The following CCNA2 variants were observed in gnomAD, a reference collection of about 807,000 sequenced individuals.
The protein encoded by CCNA2 is cyclin-A2.
CCNA2 carries 3 observed loss-of-function variants against 49.4 expected under a neutral mutation model. The ratio of observed to expected loss-of-function variants is 0.06; its 90% CI spans 0.03 to 0.16. The LOEUF (loss-of-function observed/expected upper bound fraction) is 0.16. CCNA2 is among the 10% of genes least tolerant of loss of function. The probability of loss-of-function intolerance (pLI) is 1.00; values close to 1 mark genes in which losing one functional copy is unlikely to be tolerated. For synonymous variants in CCNA2, 206 were observed against 197.2 expected, an observed-to-expected ratio of 1.04 and a Z score of -0.37; for missense variants, 372 against 519.7, an observed-to-expected ratio of 0.72 and a Z score of 2.76.
chr4:121,820,119 T>C lies in CCNA2; in HGVS notation c.794+423A>G, dbSNP rs1724654824. 6.6e-6 allele frequency among the ~76,000 whole-genome samples: 1 copy of C among 151,998 alleles called. No individual in the cohort carries two copies. Among genetic ancestry groups the C allele is most frequent in the Admixed American group, 6.5e-5 (1 of 15,272 alleles). ...CCATGCCCAGCTAATTTTTGTATTTTTAGTAGAGACAGGGTTTCGCCATGA... is the reference window on the plus strand; with the variant it reads ...CCATGCCCAGCTAATTTTTGTATTTCTAGTAGAGACAGGGTTTCGCCATGA... On this transcript the variant is annotated intron_variant, in intron 4 of 7. Transcript: ENST00000274026. This position sits in a 1 kb window ranked among gnomAD's most constrained non-coding sequence, Gnocchi z 4.1.
Position 121,816,495 on chromosome 4 carries a change from T to C in CCNA2, c.*1143A>G, listed in dbSNP as rs1179494441. 3 of 1,214,102 alleles carry C rather than the reference T, an allele frequency of 2.5e-6. No individual in the cohort carries two copies. The highest frequency in any genetic ancestry group is 3.5e-6 in the Non-Finnish European group (3 of 854,492). The allele number at this position is 1,214,102 out of a possible 1,614,324, so 75.2% of individuals were successfully genotyped here. A position where few individuals can be genotyped will look rare whatever the true frequency, so the allele number is the denominator to read the frequency against. On this transcript the variant is annotated 3_prime_UTR_variant, in exon 8 of 8. Transcript: ENST00000274026. ...CAAATGTATACATATACTCAACACT[T>C]ATAGAGGTTTGCTCTCTGGTTTTAC...
In CCNA2 at chr4:121,816,811, T is replaced by TAA. The variant is rs1170874223; in HGVS notation, c.*825_*826dup. ...GTGCAAAACAAGAAAAAGCACCAAG[T>TAA]AAAAAGCCAGTGAAAAGAAGAAAAA... On this transcript the variant is annotated 3_prime_UTR_variant, in exon 8 of 8. Transcript: ENST00000274026. 2 of 1,602,472 alleles carry TAA rather than the reference T, an allele frequency of 1.2e-6. No individual in the cohort carries two copies. Among genetic ancestry groups the TAA allele is most frequent in the East Asian group, 2.2e-5 (1 of 44,598 alleles).
In CCNA2 at chr4:121,817,641, C is replaced by T; in HGVS notation, c.1296G>A (p.Leu432=). The T allele has an allele frequency of 1.7e-5, 27 of 1,613,498 alleles. No individual in the cohort carries two copies. The highest frequency in any genetic ancestry group is 2.2e-5 in the Non-Finnish European group (26 of 1,179,794). ...SLLNPPETLN[L] is the part of the protein sequence containing the mutation. ...AAACAAAGGCAGTCTTTCATTGTTA[C>T]AGATTTAGTGTCTCTGGTGGGTTGA... The change falls in exon 8 of 8, where the codon CTG becomes CTA. Residue 432 remains leucine, a synonymous_variant. Coordinates refer to ENST00000274026, the MANE Select transcript of CCNA2 (RefSeq NM_001237.5).
At chr4:121,821,483 T>TTG (rs1724691070) in intron 2 of CCNA2, among the ~76,000 whole-genome samples, 1 of 152,136 alleles carries the variant, frequency 6.6e-6, no homozygotes, top group Non-Finnish European at 1.5e-5. Context: ...AAACTGCAGA[T>TTG]CCCAGAGTCT....
chr4:121,821,225 CA>C, intron 2 of CCNA2, 134 bp from the exon 3 acceptor site: 2 of 1,076,862 alleles, frequency 1.9e-6, no homozygotes, highest in East Asian at 2.9e-5. Flanking sequence ...CTTCTCATGA[CA>C]AAATATGTAG....
chr4:121,822,496 G>T lies in CCNA2; in HGVS notation c.364C>A (p.Arg122Ser), dbSNP rs750866939. 3.1e-6 allele frequency: 5 copies of T among 1,614,112 alleles called. No homozygotes were observed. Among genetic ancestry groups the T allele is most frequent in the Non-Finnish European group, 4.2e-6 (5 of 1,180,008 alleles). ...GAATTAAAAGCCAGGGCATCTTCAC[G>T]CTCTATTTTTTGAGATTCAGCTGGC... ...KKPAESQKIE[R>S]EDALAFNSAI... Residue 122 changes from arginine to serine, a missense_variant, in exon 2 of 8, where the codon CGT becomes AGT. Arg to Ser is a moderately radical substitution (Grantham distance 110). Around this residue, in one of 2 missense-constraint regions of CCNA2, gnomAD observed 217 missense variants for 231.7 expected, o/e 0.94. Transcript: ENST00000274026.
Position 121,817,416 on chromosome 4 carries a change from A to ACTT in CCNA2, c.*219_*221dup, listed in dbSNP as rs200394944. ...TATCCTGACAGCTGGCATCATTAATACTTTAACAAAACCACTTAAAATTAG... is the reference window on the plus strand; with the variant it reads ...TATCCTGACAGCTGGCATCATTAATACTTCTTTAACAAAACCACTTAAAATTAG... On this transcript the variant is annotated 3_prime_UTR_variant, in exon 8 of 8. Coordinates refer to ENST00000274026, the MANE Select transcript of CCNA2 (RefSeq NM_001237.5). The ACTT allele has an allele frequency of 2.5e-4, 112 of 453,778 alleles. 1 individual carries two copies. In the East Asian group the frequency reaches 3.9e-3, roughly 16 times the overall value. The allele number at this position is 453,778 out of a possible 1,614,324, so 28.1% of individuals were successfully genotyped here.
chr4:121,817,528 C>T lies in CCNA2; in HGVS notation c.*110G>A, dbSNP rs952618468. 11 of 1,353,008 alleles carry T rather than the reference C, an allele frequency of 8.1e-6. No individual in the cohort carries two copies. Among genetic ancestry groups the T allele is most frequent in the Admixed American group, 6.5e-5 (3 of 46,210 alleles). 83.8% of individuals were successfully genotyped at this position (1,353,008 alleles called of 1,614,324 possible). On this transcript the variant is annotated 3_prime_UTR_variant, in exon 8 of 8. Coordinates refer to ENST00000274026, the MANE Select transcript of CCNA2 (RefSeq NM_001237.5). ...ATAGATACCATAATTTGTACTTGGC[C>T]ACAACTTCTGTATTCAGAAATGATT...
In CCNA2 at chr4:121,816,807, C is replaced by CAA. The variant is rs1426544474; in HGVS notation, c.*829_*830dup. Reference sequence around the variant, plus strand: ...ACCAGTGCAAAACAAGAAAAAGCACCAAGTAAAAAGCCAGTGAAAAGAAGA... The same window carrying CAA: ...ACCAGTGCAAAACAAGAAAAAGCACCAAAAGTAAAAAGCCAGTGAAAAGAAGA... On this transcript the variant is annotated 3_prime_UTR_variant, in exon 8 of 8. Transcript: ENST00000274026. 5 of 1,601,152 alleles carry CAA rather than the reference C, an allele frequency of 3.1e-6. No homozygotes were observed. The Admixed American group carries it at 6.8e-5, about 22-fold the overall frequency.
intron 2 of CCNA2, 40 bp downstream of exon 2, chr4:121,822,363 T>C (rs1490904685): frequency 1.9e-6 from 3 of 1,578,996 alleles, no homozygotes; most frequent in Admixed American, 1.7e-5. Flanking sequence ...CTAATAATTA[T>C]AATTACCGTA....
rs1383813409 is a variant in CCNA2 at position 121,818,956 on chromosome 4, T to C, written c.1003-43A>G. 6.2e-6 allele frequency: 8 copies of C among 1,288,014 alleles called. No homozygotes were observed. The Admixed American group carries it at 1.4e-4, about 22-fold the overall frequency. 79.8% of individuals were successfully genotyped at this position (1,288,014 alleles called of 1,614,324 possible). A position where few individuals can be genotyped will look rare whatever the true frequency, so the allele number is the denominator to read the frequency against. On this transcript the variant is annotated intron_variant, in intron 5 of 7. Transcript: ENST00000274026. The stretch of plus-strand genomic sequence containing the variant: ...TTATGATCACAAGAGCGTTTAGAAT[T>C]CAAATGTCAAACCTCTGCCTTCTAA...
Position 121,816,908 on chromosome 4 carries a change from C to A in CCNA2, c.*730G>T. ...TAACTATTAAAAGGGATATTTATTC[C>A]ATTCTGAGAACCCTGGGTATTTTTT... On this transcript the variant is annotated 3_prime_UTR_variant, in exon 8 of 8. Coordinates refer to ENST00000274026, the MANE Select transcript of CCNA2 (RefSeq NM_001237.5). 1 of 1,426,720 alleles carries A rather than the reference C, an allele frequency of 7.0e-7. No individual in the cohort carries two copies. The highest frequency in any genetic ancestry group is 2.1e-4 in the Middle Eastern group (1 of 4,664). 88.4% of individuals were successfully genotyped at this position (1,426,720 alleles called of 1,614,324 possible).
Position 121,820,623 on chromosome 4 carries a change from T to A in CCNA2, c.713A>T (p.Tyr238Phe). The change falls in exon 4 of 8, where the codon TAC becomes TTC. Residue 238 changes from tyrosine to phenylalanine, a missense_variant. This residue lies in a region of CCNA2 where 155 missense variants were observed against 288.1 expected (regional missense o/e 0.54). Coordinates refer to ENST00000274026, the MANE Select transcript of CCNA2 (RefSeq NM_001237.5). The surrounding 1 kb of genome is among the most constrained non-coding windows in gnomAD (Gnocchi z 4.1). The stretch of plus-strand genomic sequence containing the variant: ...CATGGAAGACAGGAACCTATCAATG[T>A]AGTTCACAGCCAAATGCAGGGTCTC... ...QNETLHLAVN[Y>F]IDRFLSSMSV... 6.2e-7 allele frequency: 1 copy of A among 1,614,212 alleles called. No homozygotes were observed. Among genetic ancestry groups the A allele is most frequent in the Non-Finnish European group, 8.5e-7 (1 of 1,180,010 alleles).
chr4:121,819,823 T>TTC (rs1475248209), intron 4 of CCNA2, among the ~76,000 whole-genome samples: 2 of 152,166 alleles, frequency 1.3e-5, no homozygotes, highest in Non-Finnish European at 2.9e-5. Flanking sequence ...ATGAAAGGCA[T>TTC]GAGACTTCTC....
In CCNA2 at chr4:121,823,455, C is replaced by G; in HGVS notation, c.174G>C (p.Pro58=). The G allele has an allele frequency of 1.2e-6, 2 of 1,613,338 alleles. No homozygotes were observed. Among genetic ancestry groups the G allele is most frequent in the Non-Finnish European group, 1.7e-6 (2 of 1,179,828 alleles). The change falls in exon 1 of 8, where the codon CCG becomes CCC. Residue 58 remains proline (P), a synonymous_variant. Transcript: ENST00000274026. Reference sequence around the variant, plus strand: ...GCCTCTGCTGCTGCGCTAGACCCCGCGGGTTCCCGGACTTCAGTACCGCCA... The same window carrying G: ...GCCTCTGCTGCTGCGCTAGACCCCGGGGGTTCCCGGACTTCAGTACCGCCA... The part of the protein sequence containing the change: ...AALAVLKSGN[P]RGLAQQQRPK...
chr4:121,823,317 A>G lies in CCNA2; in HGVS notation c.213+99T>C, dbSNP rs551113401. The G allele has an allele frequency of 1.1e-3, 1,489 of 1,402,434 alleles. 10 individuals carry two copies. Among genetic ancestry groups the G allele is most frequent in the South Asian group, 3.2e-3 (220 of 69,108 alleles). The allele number at this position is 1,402,434 out of a possible 1,614,324, so 86.9% of individuals were successfully genotyped here. A position where few individuals can be genotyped will look rare whatever the true frequency, so the allele number is the denominator to read the frequency against. ...ACTCCAGACCCTGGCCCCCTTCCAA[A>G]AGCCCAGGACATGCCTTCTCGCCAC... On this transcript the variant is annotated intron_variant, in intron 1 of 7. Coordinates refer to ENST00000274026, the MANE Select transcript of CCNA2 (RefSeq NM_001237.5).
At position 121,816,791 on chromosome 4, in the gene CCNA2, A is replaced by G. The variant is rs559300681; in HGVS notation, c.*847T>C. 1 of 1,600,480 alleles carries G rather than the reference A, an allele frequency of 6.2e-7. No individual in the cohort carries two copies. The highest frequency in any genetic ancestry group is 2.2e-5 in the East Asian group (1 of 44,626). On this transcript the variant is annotated 3_prime_UTR_variant, in exon 8 of 8. Transcript: ENST00000274026. ...TCACAGAACACAGACCACCAGTGCA[A>G]AACAAGAAAAAGCACCAAGTAAAAA... is the stretch of plus-strand genomic sequence containing the variant.
Position 121,820,433 on chromosome 4 carries a change from T to C in CCNA2, c.794+109A>G. 1.4e-6 allele frequency: 1 copy of C among 713,684 alleles called. No individual in the cohort carries two copies. 44.2% of individuals were successfully genotyped at this position (713,684 alleles called of 1,614,324 possible). On this transcript the variant is annotated intron_variant, in intron 4 of 7. Transcript: ENST00000274026. This position sits in a 1 kb window ranked among gnomAD's most constrained non-coding sequence, Gnocchi z 4.1. ...CCCCAGCACATTGCCATCCCTAAAG[T>C]AGTCACTGACTCTGCCTGGTGTATG...
In CCNA2 at chr4:121,816,825, A is replaced by AAAG; in HGVS notation, c.*810_*812dup. On this transcript the variant is annotated 3_prime_UTR_variant, in exon 8 of 8. Transcript: ENST00000274026. ...AAAGCACCAAGTAAAAAGCCAGTGA[A>AAAG]AAGAAGAAAAAAGAAGAGAGCTGCC... 1 of 1,595,170 alleles carries AAAG rather than the reference A, an allele frequency of 6.3e-7. No homozygotes were observed. The highest frequency in any genetic ancestry group is 8.6e-7 in the Non-Finnish European group (1 of 1,168,244).
Sources: gnomAD v4.1 joint callset for allele counts (sites outside exome capture counted in the v4.1 genomes callset) on GRCh38, gnomAD v4.1.1 for gene constraint, gnomAD v4.1.1 regional missense constraint, Gnocchi (gnomAD v3.1) non-coding constraint, MANE v1.5 for transcripts, NCBI Gene and HGNC (gene_info 2026-07-23, HGNC 2026-07-21) for gene names.